CSNK1A1: variants seen among roughly 807,000 people sequenced by gnomAD.
The protein encoded by CSNK1A1 is casein kinase 1 alpha 1, also known as casein kinase I isoform alpha.
A neutral mutation model predicts 46.1 loss-of-function variants in CSNK1A1; 7 were observed. The ratio of observed to expected loss-of-function variants is 0.15; its 90% CI spans 0.09 to 0.29. CSNK1A1 has a LOEUF of 0.29. Among genes scored for constraint, CSNK1A1 ranks in the 10% least tolerant of loss-of-function variants. CSNK1A1 has a pLI of 1.00. For missense variants in CSNK1A1, 96 were observed against 417.1 expected, an observed-to-expected ratio of 0.23 and a Z score of 6.71; for synonymous variants, 137 against 141.5, an observed-to-expected ratio of 0.97 and a Z score of 0.23.
intron 9 of CSNK1A1, chr5:149,497,186 AT>A (rs2113032696): frequency 9.5e-7 from 1 of 1,054,926 alleles, no homozygotes; most frequent in Non-Finnish European, 1.1e-6. Flanking sequence ...GCATTCACAT[AT>A]TTATCAAATC....
intron 2 of CSNK1A1, among the ~76,000 whole-genome samples, chr5:149,534,511 A>C (rs1468498710): frequency 2.7e-5 from 4 of 148,306 alleles, no homozygotes; most frequent in Non-Finnish European, 4.5e-5. Context: ...AAAAAAAAGA[A>C]GGCTTCCTAA....
chr5:149,512,342 A>G (rs1431232855), intron 5 of CSNK1A1, among the ~76,000 whole-genome samples: 1 of 152,094 alleles, frequency 6.6e-6, no homozygotes, highest in African/African-American at 2.4e-5. Flanking sequence ...AGGATAGGTA[A>G]TGCCTTGGCG....
Position 149,496,421 on chromosome 5 carries a change from T to C in CSNK1A1, c.*432A>G, listed in dbSNP as rs1239997579. On this transcript the variant is annotated 3_prime_UTR_variant, in exon 10 of 10. Transcript: ENST00000377843. ...ATGGAAAAACCCTAAGAATGCACAA[T>C]TGTGAGCATTTAACAACCATCACAA... 4 of 161,394 alleles carry C rather than the reference T, an allele frequency of 2.5e-5. No homozygotes were observed. Among genetic ancestry groups the C allele is most frequent in the Non-Finnish European group, 4.1e-5 (3 of 73,972 alleles). The allele number at this position is 161,394 out of a possible 1,614,324, so 10.0% of individuals were successfully genotyped here. A position where few individuals can be genotyped will look rare whatever the true frequency, so the allele number is the denominator to read the frequency against.
At chr5:149,522,424 T>C (rs1029300495) in intron 3 of CSNK1A1, among the ~76,000 whole-genome samples, 6 of 152,236 alleles carry the variant, frequency 3.9e-5, no homozygotes, top group African/African-American at 1.2e-4. Flanking sequence ...ATCTTTTCTA[T>C]AAGACACTTA....
At chr5:149,521,123 T>C (rs972523574) in intron 3 of CSNK1A1, among the ~76,000 whole-genome samples, 1 of 152,130 alleles carries the variant, frequency 6.6e-6, no homozygotes, top group Admixed American at 6.6e-5. Context: ...TAGACATGTA[T>C]CTTTACCCAC....
In CSNK1A1 at chr5:149,493,639, T is replaced by C. The variant is rs550003231; in HGVS notation, c.*3214A>G. ...ATACACTGCTAAAAAAAAAAAAAGA[T>C]TGTCATTAAGAATATTACAATAGAA... On this transcript the variant is annotated 3_prime_UTR_variant, in exon 10 of 10. Coordinates refer to ENST00000377843, the MANE Select transcript of CSNK1A1 (RefSeq NM_001892.6). 17 of 151,124 alleles carry C rather than the reference T, an allele frequency of 1.1e-4. No homozygotes were observed. Among genetic ancestry groups the C allele is most frequent in the African/African-American group, 3.6e-4 (15 of 41,232 alleles). The allele number at this position is 151,124 out of a possible 1,614,324, so 9.4% of individuals were successfully genotyped here. A position where few individuals can be genotyped will look rare whatever the true frequency, so the allele number is the denominator to read the frequency against.
At chr5:149,510,886 A>G (rs1329765462) in intron 6 of CSNK1A1, among the ~76,000 whole-genome samples, 1 of 152,238 alleles carries the variant, frequency 6.6e-6, no homozygotes, top group African/African-American at 2.4e-5. Flanking sequence ...AGTTAACTGT[A>G]TAAGTCACAA....
intron 2 of CSNK1A1, among the ~76,000 whole-genome samples, chr5:149,532,725 A>C (rs1761941865): frequency 6.6e-6 from 1 of 152,174 alleles, no homozygotes; most frequent in Non-Finnish European, 1.5e-5. Context: ...TTGGTGACAA[A>C]GTCAAAGGTT....
At chr5:149,526,872 T>G (rs755846218) in intron 2 of CSNK1A1, among the ~76,000 whole-genome samples, 4 of 152,206 alleles carry the variant, frequency 2.6e-5, no homozygotes, top group African/African-American at 4.8e-5. Context: ...TAGAATCTTA[T>G]GTTGAGAGTA....
rs897480401 is a variant in CSNK1A1 at position 149,546,755 on chromosome 5, C to T, written c.230+3320G>A. 2.0e-5 allele frequency among the ~76,000 whole-genome samples: 3 copies of T among 152,066 alleles called. No homozygotes were observed. In the East Asian group the frequency reaches 5.8e-4, roughly 29 times the overall value. The stretch of plus-strand genomic sequence containing the variant: ...TAAATTTTTTAAATTAGTGACAATA[C>T]TTCTAAAACAATAGATAACACATAA... On this transcript the variant is annotated intron_variant, in intron 2 of 9. Transcript: ENST00000377843.
In CSNK1A1 at chr5:149,495,906, AT is replaced by A. The variant is rs1477949160; in HGVS notation, c.*946del. The A allele has an allele frequency of 6.6e-6, 1 of 152,640 alleles. No individual in the cohort carries two copies. Among genetic ancestry groups the A allele is most frequent in the Non-Finnish European group, 1.5e-5 (1 of 68,038 alleles). The allele number at this position is 152,640 out of a possible 1,614,324, so 9.5% of individuals were successfully genotyped here. A position where few individuals can be genotyped will look rare whatever the true frequency, so the allele number is the denominator to read the frequency against. On this transcript the variant is annotated 3_prime_UTR_variant, in exon 10 of 10. Coordinates refer to ENST00000377843, the MANE Select transcript of CSNK1A1 (RefSeq NM_001892.6). Reference sequence around the variant, plus strand: ...TGTAACAAATGGCTTGAAGTAGTCTATCAAAAAATTGGGGAGATTTTTATTT... The same window carrying A: ...TGTAACAAATGGCTTGAAGTAGTCTACAAAAAATTGGGGAGATTTTTATTT...
chr5:149,506,122 T>C (rs1327427697), intron 8 of CSNK1A1, among the ~76,000 whole-genome samples: 2 of 152,078 alleles, frequency 1.3e-5, no homozygotes, highest in Non-Finnish European at 2.9e-5. Flanking sequence ...AGACGGGGTT[T>C]CACCATGTTG....
At chr5:149,534,073 T>G (rs749714323) in intron 2 of CSNK1A1, among the ~76,000 whole-genome samples, 5 of 152,190 alleles carry the variant, frequency 3.3e-5, no homozygotes, top group Non-Finnish European at 5.9e-5. Context: ...GGTTAACCTT[T>G]ATGTGGGTAA....
In CSNK1A1 at chr5:149,515,396, G is replaced by A. The variant is rs77445380; in HGVS notation, c.457-2187C>T. On this transcript the variant is annotated intron_variant, in intron 4 of 9. Coordinates refer to ENST00000377843, the MANE Select transcript of CSNK1A1 (RefSeq NM_001892.6). ...ACTGCTTTATAAAAATTCAGTGTTC[G>A]CTGGAGAGTTCTTTCCTCCCACAAC... is the stretch of plus-strand genomic sequence containing the variant. Among the ~76,000 whole-genome samples, 134 of 152,240 alleles carry A rather than the reference G, an allele frequency of 8.8e-4. 2 individuals are homozygous for A. Among genetic ancestry groups the A allele is most frequent in the African/African-American group, 2.8e-3 (118 of 41,548 alleles).
intron 9 of CSNK1A1, chr5:149,502,109 TAAAG>T (rs1247277475): frequency 1.0e-6 from 1 of 981,046 alleles, no homozygotes; most frequent in African/African-American, 1.7e-5. Context: ...AAGCCAGACT[TAAAG>T]AATCTTTAAA....
rs1050841136 is a variant in CSNK1A1 at position 149,551,088 on chromosome 5, C to G, written c.-124G>C. On this transcript the variant is annotated 5_prime_UTR_variant, in exon 1 of 10. Transcript: ENST00000377843. ...GGCGGCAGGAAACGGAACACGGAGG[C>G]CTTTACCGGGGTTCGGGGCCCAGAA... 2.9e-5 allele frequency: 31 copies of G among 1,071,748 alleles called. No individual in the cohort carries two copies. The highest frequency in any genetic ancestry group is 3.9e-5 in the Non-Finnish European group (29 of 738,536). The allele number at this position is 1,071,748 out of a possible 1,614,324, so 66.4% of individuals were successfully genotyped here.
chr5:149,515,558 A>G (rs998680290), intron 4 of CSNK1A1, among the ~76,000 whole-genome samples: 1 of 152,250 alleles, frequency 6.6e-6, no homozygotes, highest in Non-Finnish European at 1.5e-5. Context: ...CTGAAAATAC[A>G]TCAGGAAAAA....
chr5:149,509,918 A>G lies in CSNK1A1; in HGVS notation c.711T>C (p.Ser237=). 1.2e-6 allele frequency: 2 copies of G among 1,610,778 alleles called. No homozygotes were observed. The highest frequency in any genetic ancestry group is 1.7e-6 in the Non-Finnish European group (2 of 1,178,202). Residue 237 remains serine, a synonymous_variant, in exon 7 of 10, where the codon AGT becomes AGC. Coordinates refer to ENST00000377843, the MANE Select transcript of CSNK1A1 (RefSeq NM_001892.6). Reference sequence around the variant, plus strand: ...CAACAGGCGTGGACATCTTCTTTTCACTAATCTTTTCATATTTTTGTTTCT... The same window carrying G: ...CAACAGGCGTGGACATCTTCTTTTCGCTAATCTTTTCATATTTTTGTTTCT... ...ATKKQKYEKI[S]EKKMSTPVEV...
intron 3 of CSNK1A1, among the ~76,000 whole-genome samples, chr5:149,522,984 C>T (rs1761616704): frequency 6.6e-6 from 1 of 151,772 alleles, no homozygotes; most frequent in Admixed American, 6.6e-5. Context: ...CAAACAAAAA[C>T]ATAAGCCATA....
Sources: gnomAD v4.1 joint callset for allele counts (sites outside exome capture counted in the v4.1 genomes callset) on GRCh38, gnomAD v4.1.1 for gene constraint, MANE v1.5 for transcripts, NCBI Gene and HGNC (gene_info 2026-07-23, HGNC 2026-07-21) for gene names.